The following NLRP10 variants were observed in gnomAD, a reference collection of about 807,000 sequenced individuals.
NLRP10 encodes NLR family pyrin domain containing 10, also known as NACHT, LRR and PYD domains-containing protein 10.
Under a neutral mutation model 8.2 loss-of-function variants are expected in NLRP10, and 7 were observed. The observed-to-expected ratio is 0.85, with a 90% confidence interval of 0.48 to 1.60. The LOEUF (loss-of-function observed/expected upper bound fraction) is 1.60. Ranked by LOEUF, NLRP10 falls within the 40% of genes most tolerant of loss-of-function variation. The probability of loss-of-function intolerance (pLI) is 0.00; values close to 1 mark genes in which losing one functional copy is unlikely to be tolerated. For synonymous variants in NLRP10, 338 were observed against 314.0 expected (o/e 1.08, Z -0.81); for missense variants, 814 against 776.3 (o/e 1.05, Z -0.58).
At chr11:7,962,251 T>TTTTTTTTTC (rs1941744956) in intron 2 of NLRP10, among the ~76,000 whole-genome samples, 1 of 131,744 alleles carries the variant, frequency 7.6e-6, no homozygotes, top group Non-Finnish European at 1.6e-5. Context: ...TTTTTTTTTT[T>TTTTTTTTTC]TTGAGATGGA....
chr11:7,961,346 A>T, intron 2 of NLRP10, 24 bp from the exon 3 acceptor site: 1 of 1,475,892 alleles, frequency 6.8e-7, no homozygotes, highest in Non-Finnish European at 9.2e-7. Context: ...ATGGGATGTT[A>T]GGTAGTGAAA....
rs369143376 is a variant in NLRP10 at position 7,960,821 on chromosome 11, T to A, written c.791A>T (p.Lys264Met). The change falls in exon 3 of 3, where the codon AAG becomes ATG. Residue 264 changes from lysine (K) to methionine (M), a missense_variant. Coordinates refer to ENST00000691676, the MANE Select transcript of NLRP10 (RefSeq NM_001391958.1). Reference protein sequence around the residue: ...LQRPFEEKLKKRGLSPKESLL... With the variant: ...LQRPFEEKLKMRGLSPKESLL... The stretch of plus-strand genomic sequence containing the variant: ...GCTCTCCTTGGGACTCAAACCCCTC[T>A]TCTTCAACTTTTCTTCAAAGGGCCT... 4 of 1,614,022 alleles carry A rather than the reference T, an allele frequency of 2.5e-6. No individual in the cohort carries two copies. The African/African-American group carries it at 4.0e-5, about 16-fold the overall frequency.
intron 2 of NLRP10, among the ~76,000 whole-genome samples, chr11:7,962,274 C>T (rs1338991708): frequency 4.2e-5 from 4 of 94,460 alleles, no homozygotes; most frequent in Admixed American, 3.6e-4. Flanking sequence ...TTCGCTCTGT[C>T]GCCCAGGCTG....
At chr11:7,964,978 C>A (rs1265114171) in intron 1 of NLRP10, among the ~76,000 whole-genome samples, 3 of 152,168 alleles carry the variant, frequency 2.0e-5, no homozygotes, top group Non-Finnish European at 4.4e-5. Context: ...TGTTGCCATT[C>A]AAATACCAAC....
In NLRP10 at chr11:7,965,400, T is replaced by G. The variant is rs1012748125; in HGVS notation, c.-200A>C. The G allele has an allele frequency of 6.6e-6, 1 of 152,156 alleles. No individual in the cohort carries two copies. The highest frequency in any genetic ancestry group is 2.4e-5 in the African/African-American group (1 of 41,408). The allele number at this position is 152,156 out of a possible 1,614,324, so 9.4% of individuals were successfully genotyped here. A position where few individuals can be genotyped will look rare whatever the true frequency, so the allele number is the denominator to read the frequency against. ...TCCAAGTTTGGGCTCTCTTAGCCCATACTCACTAGTTCACTTCTGTTTGGT... is the reference window on the plus strand; with the variant it reads ...TCCAAGTTTGGGCTCTCTTAGCCCAGACTCACTAGTTCACTTCTGTTTGGT... On this transcript the variant is annotated 5_prime_UTR_variant, in exon 1 of 3. It removes an upstream start codon present in the reference 5' UTR. Coordinates refer to ENST00000691676, the MANE Select transcript of NLRP10 (RefSeq NM_001391958.1).
Position 7,960,136 on chromosome 11 carries a change from G to A in NLRP10, c.1476C>T (p.Arg492=). 1 of 1,614,076 alleles carries A rather than the reference G, an allele frequency of 6.2e-7. No homozygotes were observed. Among genetic ancestry groups the A allele is most frequent in the South Asian group, 1.1e-5 (1 of 91,086 alleles). ...CCTCCAGCAGCCTTTGCACTTCTCT[G>A]CGGGACTCCTTCCCCAGCCGGCTTT... The part of the protein sequence containing the change: ...EDQSRLGKES[R]REVQRLLEVK... Residue 492 remains arginine (R), a synonymous_variant, in exon 3 of 3, where the codon CGC becomes CGT. Coordinates refer to ENST00000691676, the MANE Select transcript of NLRP10 (RefSeq NM_001391958.1).
rs56052845 is a variant in NLRP10, at chr11:7,960,262, G to C, written c.1350C>G (p.Asn450Lys). 5 of 1,613,976 alleles carry C rather than the reference G, an allele frequency of 3.1e-6. No homozygotes were observed. The East Asian group carries it at 1.1e-4, about 36-fold the overall frequency. Residue 450 changes from asparagine to lysine, a missense_variant, in exon 3 of 3, where the codon AAC becomes AAG. By Grantham distance (94) the Asn-to-Lys change is moderately conservative. Transcript: ENST00000691676. Reference protein sequence around the residue: ...GPRLAAFLSSNDYQLGLAIKK... With the variant: ...GPRLAAFLSSKDYQLGLAIKK... ...TGATGGCAAGTCCCAATTGGTAGTC[G>C]TTACTACTCAGGAAAGCGGCAAGCC... is the stretch of plus-strand genomic sequence containing the variant.
rs1161963293 is a variant in NLRP10 at position 7,963,497 on chromosome 11, G to T, written c.-2C>A. On this transcript the variant is annotated 5_prime_UTR_variant, in exon 2 of 3. Coordinates refer to ENST00000691676, the MANE Select transcript of NLRP10 (RefSeq NM_001391958.1). ...CTTTCTGGCCTTGGCCATGGCCATG[G>T]TGATCTGGGGGAAGGATCAAGTCCA... 6.2e-7 allele frequency: 1 copy of T among 1,607,584 alleles called. No individual in the cohort carries two copies.
At position 7,961,641 on chromosome 11, in the gene NLRP10, G is replaced by A. The variant is rs564550170; in HGVS notation, c.290-319C>T. On this transcript the variant is annotated intron_variant, in intron 2 of 2. Transcript: ENST00000691676. The stretch of plus-strand genomic sequence containing the variant: ...TTGTGGAGGGAAGTCATGTCAGTGT[G>A]CATCAGCAAGTGTGTGTCTGTAAGA... Among the ~76,000 whole-genome samples the A allele has an allele frequency of 1.1e-4, 17 of 152,272 alleles. No individual in the cohort carries two copies. The South Asian group carries it at 2.5e-3, about 22-fold the overall frequency.
In NLRP10 at chr11:7,963,328, G is replaced by T. The variant is rs138343526; in HGVS notation, c.168C>A (p.Asp56Glu). 6.8e-6 allele frequency: 11 copies of T among 1,614,168 alleles called. No homozygotes were observed. The highest frequency in any genetic ancestry group is 1.1e-5 in the South Asian group (1 of 91,082). Reference protein sequence around the residue: ...RGELEGLIPVDLAELLISKYG... With the variant: ...RGELEGLIPVELAELLISKYG... ...ACTTTGAAATCAGTAATTCTGCCAG[G>T]TCCACCGGAATCAGGCCCTCCAACT... The change falls in exon 2 of 3, where the codon GAC becomes GAA. Residue 56 changes from aspartate to glutamate, a missense_variant. Transcript: ENST00000691676.
rs1225267262 is a variant in NLRP10 at position 7,958,001 on chromosome 11, T to G, written c.*1643A>C. ...GCCTTTTCAGACTGACTTCTTTCAC[T>G]TAGTAGTTGCATTTAAGGCTTCTCC... On this transcript the variant is annotated 3_prime_UTR_variant, in exon 3 of 3. Transcript: ENST00000691676. Among the ~76,000 whole-genome samples, 2 of 152,220 alleles carry G rather than the reference T, an allele frequency of 1.3e-5. No individual in the cohort carries two copies. Among genetic ancestry groups the G allele is most frequent in the African/African-American group, 4.8e-5 (2 of 41,470 alleles).
chr11:7,960,954 C>T lies in NLRP10; in HGVS notation c.658G>A (p.Glu220Lys), dbSNP rs1370992242. Reference protein sequence around the residue: ...EVVLLLESKLEQLLFWCCGDN... With the variant: ...EVVLLLESKLKQLLFWCCGDN... The stretch of plus-strand genomic sequence containing the variant: ...CCGCAGCACCAGAAAAGGAGCTGCT[C>T]CAGTTTGCTCTCCAGCAGCAGGACC... The change falls in exon 3 of 3, where the codon GAG becomes AAG. Residue 220 changes from glutamate (E) to lysine (K), a missense_variant. Physicochemically the swap from Glu to Lys is moderately conservative, Grantham distance 56. Coordinates refer to ENST00000691676, the MANE Select transcript of NLRP10 (RefSeq NM_001391958.1). 2 of 1,614,132 alleles carry T rather than the reference C, an allele frequency of 1.2e-6. No homozygotes were observed. Among genetic ancestry groups the T allele is most frequent in the Non-Finnish European group, 1.7e-6 (2 of 1,180,016 alleles).
chr11:7,959,717 G>A lies in NLRP10; in HGVS notation c.1895C>T (p.Ala632Val). The A allele has an allele frequency of 6.2e-7, 1 of 1,608,942 alleles. No individual in the cohort carries two copies. Among genetic ancestry groups the A allele is most frequent in the Non-Finnish European group, 8.5e-7 (1 of 1,178,772 alleles). ...AGTAGAAGCTTCCTTTTGTGTTCCTGCTATATTATCTTTGCCCTCCTTCTG... is the reference window on the plus strand; with the variant it reads ...AGTAGAAGCTTCCTTTTGTGTTCCTACTATATTATCTTTGCCCTCCTTCTG... ...HGQKEGKDNIAGTQKEASTGK... is the reference protein window; with the variant it reads ...HGQKEGKDNIVGTQKEASTGK... The change falls in exon 3 of 3, where the codon GCA becomes GTA. Residue 632 changes from alanine to valine, a missense_variant. Transcript: ENST00000691676.
chr11:7,958,250 A>G lies in NLRP10; in HGVS notation c.*1394T>C, dbSNP rs1941653515. Among the ~76,000 whole-genome samples the G allele has an allele frequency of 6.6e-6, 1 of 152,218 alleles. No homozygotes were observed. The highest frequency in any genetic ancestry group is 2.1e-4 in the South Asian group (1 of 4,830). On this transcript the variant is annotated 3_prime_UTR_variant, in exon 3 of 3. Coordinates refer to ENST00000691676, the MANE Select transcript of NLRP10 (RefSeq NM_001391958.1). ...GTTAATATCTAGGAGCATAATTGCT[A>G]GATCTTACATATAGTAAAACTATGT...
In NLRP10 at chr11:7,959,880, CT is replaced by C; in HGVS notation, c.1731del (p.Gly578ValfsTer4). ...AATGATACATTGTTCATCTGAATAC[CT>C]TTTACCAGATTCTTTATTTTAGCTT... ...LYEAKIKNLV[K>X]GIQMNNVSFK... On this transcript the variant is annotated frameshift_variant, in exon 3 of 3. Transcript: ENST00000691676. LOFTEE classifies it low-confidence loss of function (END_TRUNC). 6.2e-7 allele frequency: 1 copy of C among 1,613,446 alleles called. No individual in the cohort carries two copies. Among genetic ancestry groups the C allele is most frequent in the Non-Finnish European group, 8.5e-7 (1 of 1,179,422 alleles).
chr11:7,963,327 G>A lies in NLRP10; in HGVS notation c.169C>T (p.Leu57=), dbSNP rs1261772933. ...GELEGLIPVD[L]AELLISKYGE... ...TACTTTGAAATCAGTAATTCTGCCA[G>A]GTCCACCGGAATCAGGCCCTCCAAC... is the stretch of plus-strand genomic sequence containing the variant. Residue 57 remains leucine (L), a synonymous_variant, in exon 2 of 3, where the codon CTG becomes TTG. Transcript: ENST00000691676. 1 of 1,614,198 alleles carries A rather than the reference G, an allele frequency of 6.2e-7. No individual in the cohort carries two copies. The highest frequency in any genetic ancestry group is 2.2e-5 in the East Asian group (1 of 44,878).
rs1589892187 is a variant in NLRP10, at chr11:7,960,495, C to T, written c.1117G>A (p.Val373Ile). Residue 373 changes from valine (V) to isoleucine (I), a missense_variant, in exon 3 of 3, where the codon GTT becomes ATT. Val to Ile is a conservative substitution (Grantham distance 29, BLOSUM62 3). Coordinates refer to ENST00000691676, the MANE Select transcript of NLRP10 (RefSeq NM_001391958.1). ...CTGTTTCTAGGTGTCTCTAAGACAACTTTGCCTCTCTCCATCTGCCCCTGC... is the reference window on the plus strand; with the variant it reads ...CTGTTTCTAGGTGTCTCTAAGACAATTTTGCCTCTCTCCATCTGCCCCTGC... ...WLQGQMERGK[V>I]VLETPRNSTD... 4 of 1,614,180 alleles carry T rather than the reference C, an allele frequency of 2.5e-6. No individual in the cohort carries two copies. The highest frequency in any genetic ancestry group is 3.4e-6 in the Non-Finnish European group (4 of 1,180,038).
Position 7,963,378 on chromosome 11 carries a change from C to T in NLRP10, c.118G>A (p.Gly40Ser), listed in dbSNP as rs1303016502. 1 of 1,614,228 alleles carries T rather than the reference C, an allele frequency of 6.2e-7. No homozygotes were observed. The highest frequency in any genetic ancestry group is 2.2e-5 in the East Asian group (1 of 44,884). ...TCCCCTCTGGCCAGTGGGGGCTGGC[C>T]CTCAGACAGGGTCATATCCCGTAAG... Reference protein sequence around the residue: ...FYLRDMTLSEGQPPLARGELE... With the variant: ...FYLRDMTLSESQPPLARGELE... The change falls in exon 2 of 3, where the codon GGC becomes AGC. Residue 40 changes from glycine to serine, a missense_variant. Coordinates refer to ENST00000691676, the MANE Select transcript of NLRP10 (RefSeq NM_001391958.1).
rs187388124 is a variant in NLRP10, at chr11:7,961,912, C to T, written c.290-590G>A. On this transcript the variant is annotated intron_variant, in intron 2 of 2. Transcript: ENST00000691676. ...TTGTTTTTGTCATGGGGGCAAATCC[C>T]TCATGAATGTCTTGGGGCCCTCCCC... Among the ~76,000 whole-genome samples, 610 of 152,234 alleles carry T rather than the reference C, an allele frequency of 4.0e-3. 3 individuals are homozygous for T. Among genetic ancestry groups the T allele is most frequent in the African/African-American group, 0.014 (577 of 41,516 alleles).
Sources: gnomAD v4.1 joint callset for allele counts (sites outside exome capture counted in the v4.1 genomes callset) on GRCh38, gnomAD v4.1.1 for gene constraint, MANE v1.5 for transcripts, NCBI Gene and HGNC (gene_info 2026-07-23, HGNC 2026-07-21) for gene names.